SMC1B: variants seen among roughly 807,000 people sequenced by gnomAD.
The protein encoded by SMC1B is structural maintenance of chromosomes 1B, also known as structural maintenance of chromosomes protein 1B.
Under a neutral mutation model 157.9 loss-of-function variants are expected in SMC1B, and 60 were observed. The ratio of observed to expected loss-of-function variants is 0.38; its 90% CI spans 0.31 to 0.47. The LOEUF (loss-of-function observed/expected upper bound fraction) is 0.47. Among genes scored for constraint, SMC1B ranks in the 20% least tolerant of loss-of-function variants. The pLI is 0.99. For synonymous variants in SMC1B, 445 were observed against 483.0 expected, an observed-to-expected ratio of 0.92 and a Z score of 1.03; for missense variants, 1,165 against 1,426.2, an observed-to-expected ratio of 0.82 and a Z score of 2.95.
chr22:45,399,253 T>C lies in SMC1B; in HGVS notation c.955A>G (p.Ile319Val), dbSNP rs373860146. The change falls in exon 6 of 25, where the codon ATA (isoleucine) becomes GTA (valine). Residue 319 changes from isoleucine (I) to valine (V), a missense_variant. Physicochemically the swap from Ile to Val is conservative, Grantham distance 29. Coordinates refer to ENST00000357450, the MANE Select transcript of SMC1B (RefSeq NM_148674.5). The stretch of plus-strand genomic sequence containing the variant: ...GAACATTGTTTTTCGCTGTCCTTTA[T>C]TGATTTCTTAGCCACATCTAATTTC... ...LKKLDVAKKS[I>V]KDSEKQCSKQ... The C allele has an allele frequency of 1.2e-5, 19 of 1,614,054 alleles. No homozygotes were observed. The African/African-American group carries it at 2.0e-4, about 17-fold the overall frequency.
intron 9 of SMC1B, 109 bp downstream of exon 9, chr22:45,393,525 T>C (rs888824851): frequency 1.2e-6 from 1 of 801,692 alleles, no homozygotes; most frequent in Non-Finnish European, 2.0e-6. Flanking sequence ...TGAAATAATA[T>C]TGCTTTGTAA....
At position 45,344,472 on chromosome 22, in the gene SMC1B, G is replaced by A; in HGVS notation, c.*84C>T. ...AGGGTGCACCAGGCTGGTCCTGCTT[G>A]CTCCAGAAGTCTCCTGTGGAGGAGC... On this transcript the variant is annotated 3_prime_UTR_variant, in exon 25 of 25. Transcript: ENST00000357450. The A allele has an allele frequency of 1.0e-6, 1 of 964,812 alleles. No homozygotes were observed. Among genetic ancestry groups the A allele is most frequent in the Non-Finnish European group, 1.6e-6 (1 of 608,550 alleles). The allele number at this position is 964,812 out of a possible 1,614,324, so 59.8% of individuals were successfully genotyped here.
chr22:45,360,655 G>A (rs1167354775), intron 17 of SMC1B, among the ~76,000 whole-genome samples: 2 of 151,722 alleles, frequency 1.3e-5, no homozygotes, highest in Non-Finnish European at 2.9e-5. Flanking sequence ...AAAAAAAATG[G>A]AAGAATGTGT....
chr22:45,388,335 A>G (rs909415356), intron 10 of SMC1B, among the ~76,000 whole-genome samples: 12 of 152,232 alleles, frequency 7.9e-5, no homozygotes, highest in African/African-American at 2.9e-4. Context: ...CTACTAAGGA[A>G]TCAGGCATTA....
At chr22:45,394,521 G>A (rs749598466) in intron 8 of SMC1B, among the ~76,000 whole-genome samples, 164 bp downstream of exon 8, 8 of 152,016 alleles carry the variant, frequency 5.3e-5, no homozygotes, top group East Asian at 1.9e-4. Flanking sequence ...TGTGCCTGTA[G>A]TCTCAGCTAC....
rs554631161 is a variant in SMC1B at position 45,393,797 on chromosome 22, T to A, written c.1382A>T (p.Asp461Val). Residue 461 changes from aspartate to valine, a missense_variant, in exon 9 of 25, where the codon GAT becomes GTT. By Grantham distance (152) the Asp-to-Val change is radical. Transcript: ENST00000357450. ...TCTTGATTTTGTTTTTTCAATTTCATCCACTAGGGTTTCCTCTTGCTGTTT... is the reference window on the plus strand; with the variant it reads ...TCTTGATTTTGTTTTTTCAATTTCAACCACTAGGGTTTCCTCTTGCTGTTT... ...EKKQQEETLVDEIEKTKSRMS... is the reference protein window; with the variant it reads ...EKKQQEETLVVEIEKTKSRMS... 7.4e-6 allele frequency: 12 copies of A among 1,613,384 alleles called. No individual in the cohort carries two copies. In the South Asian group the frequency reaches 1.2e-4, roughly 16 times the overall value.
At chr22:45,395,000 G>A (rs2087106822) in intron 7 of SMC1B, among the ~76,000 whole-genome samples, 1 of 152,128 alleles carries the variant, frequency 6.6e-6, no homozygotes, top group Non-Finnish European at 1.5e-5. Flanking sequence ...CAAACTTCAA[G>A]GAGATTATTT....
At chr22:45,352,234 A>C (rs200592721) in intron 22 of SMC1B, among the ~76,000 whole-genome samples, 123 of 140,774 alleles carry the variant, frequency 8.7e-4, no homozygotes, top group African/African-American at 2.7e-3. Context: ...AAAAAAAAAA[A>C]ACCCCACTAA....
At chr22:45,355,351 G>A (rs9614462) in intron 19 of SMC1B, among the ~76,000 whole-genome samples, 57,213 of 152,032 alleles carry the variant, frequency 0.38, 13,245 homozygotes, top group Non-Finnish European at 0.52. Flanking sequence ...TGGGTAAAGA[G>A]CAACAATTTA....
chr22:45,410,244 C>T (rs993912313), intron 1 of SMC1B, among the ~76,000 whole-genome samples: 1 of 152,192 alleles, frequency 6.6e-6, no homozygotes, highest in African/African-American at 2.4e-5. Context: ...AATTACTGAA[C>T]CTAAGGGTAG....
intron 1 of SMC1B, among the ~76,000 whole-genome samples, chr22:45,409,827 A>G (rs1376368489): frequency 6.6e-6 from 1 of 152,192 alleles, no homozygotes; most frequent in African/African-American, 2.4e-5. Flanking sequence ...TGCCTAAACT[A>G]TCTGTACAAA....
At chr22:45,407,030 A>G (rs1346435544) in intron 2 of SMC1B, among the ~76,000 whole-genome samples, 165 bp from the exon 3 acceptor site, 1 of 152,216 alleles carries the variant, frequency 6.6e-6, no homozygotes, top group Admixed American at 6.5e-5. Context: ...TTGAGTGTCT[A>G]TTACATGTCA....
chr22:45,401,550 G>A (rs2087193869), intron 5 of SMC1B, among the ~76,000 whole-genome samples: 1 of 152,250 alleles, frequency 6.6e-6, no homozygotes, highest in South Asian at 2.1e-4. Flanking sequence ...GGGTGGGATG[G>A]CCAGCTTCTT....
chr22:45,392,481 T>TTGTGTG (rs136602), intron 9 of SMC1B, among the ~76,000 whole-genome samples: 4 of 147,976 alleles, frequency 2.7e-5, no homozygotes, highest in African/African-American at 5.0e-5. Flanking sequence ...TTTTAACTAG[T>TTGTGTG]TGTGTGTGTG....
At chr22:45,365,668 G>T (rs1012967438) in intron 15 of SMC1B, among the ~76,000 whole-genome samples, 3 of 152,128 alleles carry the variant, frequency 2.0e-5, no homozygotes, top group Non-Finnish European at 2.9e-5. Flanking sequence ...TTGTGCCACT[G>T]CACTCCAGCC....
chr22:45,408,390 G>C (rs2087288962), intron 2 of SMC1B, among the ~76,000 whole-genome samples: 1 of 152,192 alleles, frequency 6.6e-6, no homozygotes, highest in Admixed American at 6.5e-5. Flanking sequence ...CTCCCAAAGT[G>C]CTGGGATTAC....
intron 15 of SMC1B, among the ~76,000 whole-genome samples, chr22:45,365,470 T>A (rs1005152250): frequency 5.9e-5 from 9 of 152,096 alleles, no homozygotes; most frequent in African/African-American, 2.2e-4. Flanking sequence ...TTTGGAAGGC[T>A]GAGGTTGGCA....
At chr22:45,401,889 C>G (rs1048170684) in intron 5 of SMC1B, among the ~76,000 whole-genome samples, 3 of 147,366 alleles carry the variant, frequency 2.0e-5, no homozygotes, top group Non-Finnish European at 4.5e-5. Context: ...TCTACACCAC[C>G]TTTTTTTTTT....
At chr22:45,349,300 C>G (rs575681345) in intron 23 of SMC1B, among the ~76,000 whole-genome samples, 1 of 151,954 alleles carries the variant, frequency 6.6e-6, no homozygotes, top group African/African-American at 2.4e-5. Context: ...CAGGCGTGAG[C>G]CACGGGTGCC....
Sources: allele counts gnomAD v4.1 joint callset (sites outside exome capture counted in the v4.1 genomes callset), GRCh38; gene constraint gnomAD v4.1.1; transcripts MANE v1.5; gene names NCBI Gene and HGNC (gene_info 2026-07-23, HGNC 2026-07-21).